Variants in PHACTR2 observed in about 807,000 individuals in gnomAD.
PHACTR2 encodes chromosome 6 open reading frame 56.
A neutral mutation model predicts 76.0 loss-of-function variants in PHACTR2; 30 were observed. That is an observed-to-expected ratio of 0.39 (90% CI 0.30 to 0.54). The LOEUF is 0.54. Among genes scored for constraint, PHACTR2 ranks in the 20% least tolerant of loss-of-function variants. The pLI is 0.61. For missense variants in PHACTR2, 696 were observed against 781.1 expected, an observed-to-expected ratio of 0.89 and a Z score of 1.30; for synonymous variants, 292 against 292.5, an observed-to-expected ratio of 1.00 and a Z score of 0.02.
intron 1 of PHACTR2, among the ~76,000 whole-genome samples, chr6:143,705,117 G>T (rs867042837): frequency 6.7e-6 from 1 of 148,956 alleles, no homozygotes; most frequent in African/African-American, 2.5e-5. Context: ...GAGCCACCGC[G>T]CCCGGCCTTG....
intron 4 of PHACTR2, among the ~76,000 whole-genome samples, chr6:143,759,415 A>G (rs1779378684): frequency 6.6e-6 from 1 of 152,180 alleles, no homozygotes; most frequent in Non-Finnish European, 1.5e-5. Flanking sequence ...GCACTTTGGG[A>G]GGCCAAGGCA....
rs577659474 is a variant in PHACTR2, at chr6:143,743,769, A to G, written c.215-5216A>G. On this transcript the variant is annotated intron_variant, in intron 2 of 12. Coordinates refer to ENST00000440869, the MANE Select transcript of PHACTR2 (RefSeq NM_001100164.2). The surrounding 1 kb of genome is among the most constrained non-coding windows in gnomAD (Gnocchi z 5.0). ...CAGTACTCAGAACTGAGAAGATAGCATGGCACGCTTATTTAATAGTCTTCT... is the reference window on the plus strand; with the variant it reads ...CAGTACTCAGAACTGAGAAGATAGCGTGGCACGCTTATTTAATAGTCTTCT... Among the ~76,000 whole-genome samples, 41 of 152,346 alleles carry G rather than the reference A, an allele frequency of 2.7e-4. No individual in the cohort carries two copies. In the East Asian group the frequency reaches 7.3e-3, roughly 27 times the overall value.
At position 143,775,664 on chromosome 6, in the gene PHACTR2, G is replaced by T. The variant is rs1775256113; in HGVS notation, c.1589+1449G>T. 6.6e-6 allele frequency among the ~76,000 whole-genome samples: 1 copy of T among 152,014 alleles called. No individual in the cohort carries two copies. The highest frequency in any genetic ancestry group is 1.5e-5 in the Non-Finnish European group (1 of 67,990). ...TATGTAAGAGAGTATATGCTTCTAGGTTTTCTGATTGTTTTATTACTCTTG... is the reference window on the plus strand; with the variant it reads ...TATGTAAGAGAGTATATGCTTCTAGTTTTTCTGATTGTTTTATTACTCTTG... On this transcript the variant is annotated intron_variant, in intron 8 of 12. Transcript: ENST00000440869. The surrounding 1 kb of genome is among the most constrained non-coding windows in gnomAD (Gnocchi z 4.4).
At position 143,646,168 on chromosome 6, in the gene PHACTR2, T is replaced by A. The variant is rs1454941100; in HGVS notation, c.13+37846T>A. On this transcript the variant is annotated intron_variant, in intron 1 of 11. Transcript: ENST00000305766. This position sits in a 1 kb window ranked among gnomAD's most constrained non-coding sequence, Gnocchi z 4.1. ...ATCTCTTATGTCTGAGGTCATAGGC[T>A]GGGTACAAGAGAGGTATAAATTAGG... Among the ~76,000 whole-genome samples the A allele has an allele frequency of 6.6e-6, 1 of 152,152 alleles. No individual in the cohort carries two copies. The highest frequency in any genetic ancestry group is 2.4e-5 in the African/African-American group (1 of 41,440).
In PHACTR2 at chr6:143,548,502, T is replaced by C. The variant is rs1278478876; in HGVS notation, c.217+11295T>C. Among the ~76,000 whole-genome samples the C allele has an allele frequency of 1.3e-5, 2 of 152,076 alleles. No individual in the cohort carries two copies. Among genetic ancestry groups the C allele is most frequent in the Non-Finnish European group, 2.9e-5 (2 of 67,982 alleles). ...ATTTCCCCTATTTACATGTCTTCTG[T>C]TAAAGCTAGCAGAGAGGGCTTCCCT... On this transcript the variant is annotated intron_variant, in intron 1 of 11. Coordinates refer to the PHACTR2 transcript ENST00000367584. The surrounding 1 kb of genome is among the most constrained non-coding windows in gnomAD (Gnocchi z 4.5).
rs1240071695 is a variant in PHACTR2 at position 143,583,265 on chromosome 6, A to G, written c.217+46058A>G. ...AAGATTGAGTCCCTTTTACTAAACC[A>G]TGATTTAGTGAATGAAAGCACTTAT... On this transcript the variant is annotated intron_variant, in intron 1 of 11. Transcript: ENST00000367584. This position sits in a 1 kb window ranked among gnomAD's most constrained non-coding sequence, Gnocchi z 4.0. 6.6e-6 allele frequency among the ~76,000 whole-genome samples: 1 copy of G among 152,210 alleles called. No individual in the cohort carries two copies. Among genetic ancestry groups the G allele is most frequent in the Non-Finnish European group, 1.5e-5 (1 of 68,040 alleles).
At chr6:143,630,086 A>G (rs1776336017) in intron 1 of PHACTR2, among the ~76,000 whole-genome samples, 1 of 149,278 alleles carries the variant, frequency 6.7e-6, no homozygotes, top group Non-Finnish European at 1.5e-5. Flanking sequence ...GACCAAAATA[A>G]CTTTAATAGT....
At chr6:143,555,170 G>C (rs567900205) in intron 1 of PHACTR2, 2 of 152,108 alleles carry the variant, frequency 1.3e-5, no homozygotes, top group Non-Finnish European at 2.9e-5. Flanking sequence ...TTTAGTGTGG[G>C]AGGCTTCCTG....
At chr6:143,713,902 C>T (rs1040638) in intron 2 of PHACTR2, among the ~76,000 whole-genome samples, 1 of 151,850 alleles carries the variant, frequency 6.6e-6, no homozygotes, top group African/African-American at 2.4e-5. Flanking sequence ...GGGCTCCAGA[C>T]GTAACGTACG....
Position 143,739,965 on chromosome 6 carries a change from C to T in PHACTR2, c.215-9020C>T, listed in dbSNP as rs1393929216. On this transcript the variant is annotated intron_variant, in intron 2 of 12. Transcript: ENST00000440869. This position sits in a 1 kb window ranked among gnomAD's most constrained non-coding sequence, Gnocchi z 4.3. ...ACCCCAAGAGAGGGTTCTTGGATCT[C>T]GGACAAGAAAGAATTCAGGGGGAGT... 1.3e-5 allele frequency among the ~76,000 whole-genome samples: 2 copies of T among 152,060 alleles called. No homozygotes were observed. Among genetic ancestry groups the T allele is most frequent in the Admixed American group, 1.3e-4 (2 of 15,272 alleles).
chr6:143,726,224 T>G (rs1009657846), intron 2 of PHACTR2, among the ~76,000 whole-genome samples: 53 of 152,294 alleles, frequency 3.5e-4, no homozygotes, highest in Non-Finnish European at 1.0e-4. Flanking sequence ...CAGAGAAAAG[T>G]TTCAGTTGCT....
At chr6:143,715,971 A>G (rs1382482261) in intron 2 of PHACTR2, among the ~76,000 whole-genome samples, 1 of 152,092 alleles carries the variant, frequency 6.6e-6, no homozygotes, top group Non-Finnish European at 1.5e-5. Context: ...CTTTTTTGCT[A>G]TGCTTATTTG....
At chr6:143,660,137 T>C (rs1776922241) in intron 1 of PHACTR2, among the ~76,000 whole-genome samples, 1 of 152,076 alleles carries the variant, frequency 6.6e-6, no homozygotes, top group African/African-American at 2.4e-5. Flanking sequence ...CTCCATACTT[T>C]CAATAAATCC....
chr6:143,707,141 A>G (rs540037993), intron 1 of PHACTR2, among the ~76,000 whole-genome samples: 1 of 151,862 alleles, frequency 6.6e-6, no homozygotes, highest in African/African-American at 2.4e-5. Flanking sequence ...AAATATACAC[A>G]GATAATCTTA....
chr6:143,538,113 C>T (rs919905654), intron 1 of PHACTR2, among the ~76,000 whole-genome samples: 1 of 151,566 alleles, frequency 6.6e-6, no homozygotes, highest in Non-Finnish European at 1.5e-5. Flanking sequence ...CACACACACA[C>T]AAACACACAA....
intron 2 of PHACTR2, among the ~76,000 whole-genome samples, chr6:143,729,176 T>C (rs1778645412): frequency 6.6e-6 from 1 of 152,130 alleles, no homozygotes; most frequent in Non-Finnish European, 1.5e-5. Context: ...TTTTGCCTGT[T>C]TTTTAATTGG....
In PHACTR2 at chr6:143,784,468, A is replaced by G. The variant is rs1775505540; in HGVS notation, c.1707+1188A>G. Among the ~76,000 whole-genome samples, 1 of 152,220 alleles carries G rather than the reference A, an allele frequency of 6.6e-6. No individual in the cohort carries two copies. Among genetic ancestry groups the G allele is most frequent in the South Asian group, 2.1e-4 (1 of 4,832 alleles). On this transcript the variant is annotated intron_variant, in intron 10 of 12. Transcript: ENST00000440869. This position sits in a 1 kb window ranked among gnomAD's most constrained non-coding sequence, Gnocchi z 4.5. ...ATGGATAAAGTGACTAAAATGTGAC[A>G]TCTACATGAAGTGTGACCTGACCCA...
rs914057362 is a variant in PHACTR2, at chr6:143,683,366, T to C, written c.46+5157T>C. On this transcript the variant is annotated intron_variant, in intron 1 of 12. Transcript: ENST00000440869. The surrounding 1 kb of genome is among the most constrained non-coding windows in gnomAD (Gnocchi z 4.1). ...TGTATTTTTTATATTCTTTTTTTAG[T>C]CCAAGAATTACATTACTCTGGCTCT... is the stretch of plus-strand genomic sequence containing the variant. Among the ~76,000 whole-genome samples, 2 of 152,242 alleles carry C rather than the reference T, an allele frequency of 1.3e-5. No homozygotes were observed. Among genetic ancestry groups the C allele is most frequent in the African/African-American group, 4.8e-5 (2 of 41,464 alleles).
chr6:143,678,888 A>G lies in PHACTR2; in HGVS notation c.46+679A>G, dbSNP rs1020956744. Among the ~76,000 whole-genome samples, 2 of 152,034 alleles carry G rather than the reference A, an allele frequency of 1.3e-5. No individual in the cohort carries two copies. Among genetic ancestry groups the G allele is most frequent in the Admixed American group, 1.3e-4 (2 of 15,260 alleles). ...AAAAGTTTCTTTTTTCCATTTTCTT[A>G]AACAAAAAGAGGGAAGGAAGGTACG... is the stretch of plus-strand genomic sequence containing the variant. On this transcript the variant is annotated intron_variant, in intron 1 of 12. Transcript: ENST00000440869. This position sits in a 1 kb window ranked among gnomAD's most constrained non-coding sequence, Gnocchi z 6.2.
Sources: gnomAD v4.1 joint callset for allele counts (sites outside exome capture counted in the v4.1 genomes callset) on GRCh38, gnomAD v4.1.1 for gene constraint, Gnocchi (gnomAD v3.1) non-coding constraint, MANE v1.5 for transcripts, NCBI Gene and HGNC (gene_info 2026-07-23, HGNC 2026-07-21) for gene names.